Variants in RIF1 observed in about 807,000 individuals in gnomAD.
RIF1 encodes the protein telomere-associated protein RIF1.
A neutral mutation model predicts 247.1 loss-of-function variants in RIF1; 45 were observed. The observed-to-expected ratio is 0.18, with a 90% CI of 0.14 to 0.23. The LOEUF is 0.23. RIF1 is among the 10% of genes least tolerant of loss of function. The pLI is 1.00. For synonymous variants in RIF1, 1,087 were observed against 978.8 expected, an observed-to-expected ratio of 1.11 and a Z score of -2.06; for missense variants, 2,967 against 2,862.5, an observed-to-expected ratio of 1.04 and a Z score of -0.83.
the RIF1 span, among the ~76,000 whole-genome samples, chr2:151,518,149 G>A: frequency 2.0e-5 from 3 of 152,186 alleles, no homozygotes; most frequent in African/African-American, 4.8e-5. Flanking sequence ...ATATGTAGAT[G>A]TTGTTGTAAT....
chr2:151,414,998 A>G, intron 4 of RIF1, 79 bp downstream of exon 4: 1 of 866,214 alleles, frequency 1.2e-6, no homozygotes, highest in Non-Finnish European at 1.8e-6. Flanking sequence ...ATGCTGTTAA[A>G]AGTACTGTTA....
chr2:151,468,154 A>G lies in RIF1; in HGVS notation c.6747+8A>G, dbSNP rs754077615. 8 of 1,601,486 alleles carry G rather than the reference A, an allele frequency of 5.0e-6. No individual in the cohort carries two copies. The highest frequency in any genetic ancestry group is 1.3e-5 in the African/African-American group (1 of 74,360). ...CCTACTACACAATCTAAGGTAAGCT[A>G]TAGGCTTTAAAATATACATATATGT... is the stretch of plus-strand genomic sequence containing the variant. On this transcript the variant is annotated splice_region_variant and intron_variant, in intron 31 of 35. Transcript: ENST00000444746.
At chr2:151,454,067 G>A (rs1293952757) in intron 21 of RIF1, among the ~76,000 whole-genome samples, 3 of 152,240 alleles carry the variant, frequency 2.0e-5, no homozygotes, top group South Asian at 2.1e-4. Flanking sequence ...GTTTTTCAGT[G>A]TACATAAATG....
chr2:151,437,684 CTA>C (rs1691492441), intron 13 of RIF1, among the ~76,000 whole-genome samples: 1 of 152,056 alleles, frequency 6.6e-6, no homozygotes, highest in African/African-American at 2.4e-5. Flanking sequence ...GAGCAAGACT[CTA>C]TTAAAAAATA....
downstream of RIF1, chr2:151,482,241 AG>A (rs1205179945): frequency 6.6e-6 from 1 of 152,230 alleles, no homozygotes; most frequent in East Asian, 1.9e-4. Flanking sequence ...ATCTGAAATG[AG>A]TATGAATAGT....
At chr2:151,525,921 A>G in the RIF1 span, 6 of 1,511,000 alleles carry the variant, frequency 4.0e-6, no homozygotes, top group Non-Finnish European at 5.5e-6. Flanking sequence ...GTCAAGTGGC[A>G]TTGTTGCTGC....
chr2:151,449,682 G>A (rs1190341979), intron 20 of RIF1, among the ~76,000 whole-genome samples: 3 of 152,118 alleles, frequency 2.0e-5, no homozygotes, highest in African/African-American at 7.2e-5. Context: ...AGTCTACCAA[G>A]GAAAACAACA....
chr2:151,497,845 C>T lies in RIF1; in HGVS notation c.*514-1500C>T, dbSNP rs996542404. 5.9e-6 allele frequency: 9 copies of T among 1,518,426 alleles called. No individual in the cohort carries two copies. The Middle Eastern group carries it at 5.1e-4, about 86-fold the overall frequency. The allele number at this position is 1,518,426 out of a possible 1,614,324, so 94.1% of individuals were successfully genotyped here. A position where few individuals can be genotyped will look rare whatever the true frequency, so the allele number is the denominator to read the frequency against. ...AAGTTATATGCTGACAAAATGCCAC[C>T]GACTACTTTAGTGGAAGCTGTTGTT... On this transcript the variant is annotated intron_variant and NMD_transcript_variant, in intron 10 of 13. Coordinates refer to the RIF1 transcript ENST00000454583.
At chr2:151,520,620 T>A in the RIF1 span, among the ~76,000 whole-genome samples, 2 of 152,060 alleles carry the variant, frequency 1.3e-5, no homozygotes, top group African/African-American at 2.4e-5. Flanking sequence ...ATCTCAGCAC[T>A]TTAGGAGGCC....
At chr2:151,438,180 T>G (rs148505605) in intron 13 of RIF1, among the ~76,000 whole-genome samples, 1 of 152,328 alleles carries the variant, frequency 6.6e-6, no homozygotes, top group African/African-American at 2.4e-5. Context: ...ATAGTTGTTT[T>G]AAGGAACACA....
intron 20 of RIF1, among the ~76,000 whole-genome samples, chr2:151,447,136 G>T (rs564379496): frequency 1.3e-5 from 2 of 151,676 alleles, no homozygotes; most frequent in Admixed American, 1.3e-4. Context: ...GTAGAGACGG[G>T]GTTTCACCGT....
intron 8 of RIF1, among the ~76,000 whole-genome samples, chr2:151,426,997 T>G (rs1315712649): frequency 1.3e-5 from 2 of 152,130 alleles, no homozygotes; most frequent in Non-Finnish European, 2.9e-5. Context: ...TCTTGTGTCT[T>G]TAACTTCTTG....
chr2:151,468,444 G>A (rs1697297246), intron 31 of RIF1, 30 bp from the exon 32 acceptor site: 1 of 1,533,164 alleles, frequency 6.5e-7, no homozygotes, highest in Non-Finnish European at 9.0e-7. Context: ...AGGGTTCTGA[G>A]TGTTTTTTTC....
At chr2:151,450,393 G>C (rs1694092783) in intron 20 of RIF1, among the ~76,000 whole-genome samples, 1 of 152,020 alleles carries the variant, frequency 6.6e-6, no homozygotes, top group Non-Finnish European at 1.5e-5. Flanking sequence ...TTATGAATTT[G>C]CTGTATATTA....
At chr2:151,520,748 C>A in the RIF1 span, among the ~76,000 whole-genome samples, 1 of 152,162 alleles carries the variant, frequency 6.6e-6, no homozygotes, top group Admixed American at 6.5e-5. Context: ...CCTGTAGTCT[C>A]AGCTACTCAG....
the RIF1 span, among the ~76,000 whole-genome samples, chr2:151,526,734 CT>C: frequency 6.6e-6 from 1 of 152,182 alleles, no homozygotes; most frequent in East Asian, 1.9e-4. Context: ...TCTAATGGCC[CT>C]TGCACTGCTG....
chr2:151,488,531 AG>A (rs2053165866), intron 9 of RIF1, among the ~76,000 whole-genome samples: 1 of 151,656 alleles, frequency 6.6e-6, no homozygotes, highest in Admixed American at 6.6e-5. Flanking sequence ...CTGTAGTCCT[AG>A]CTATTCTGGT....
chr2:151,519,292 C>T, the RIF1 span, among the ~76,000 whole-genome samples: 1 of 152,048 alleles, frequency 6.6e-6, no homozygotes, highest in African/African-American at 2.4e-5. Flanking sequence ...TATTATTTAG[C>T]CATAAAAGGA....
chr2:151,501,351 T>G (rs749993364), intron 11 of RIF1: 1 of 1,293,194 alleles, frequency 7.7e-7, no homozygotes, highest in Non-Finnish European at 1.1e-6. Context: ...TAGAAATTAT[T>G]ATTTTTTAAT....
Sources: gnomAD v4.1 joint callset for allele counts (sites outside exome capture counted in the v4.1 genomes callset) on GRCh38, gnomAD v4.1.1 for gene constraint, MANE v1.5 for transcripts, NCBI Gene and HGNC (gene_info 2026-07-23, HGNC 2026-07-21) for gene names.